Variants in PRIM2 observed in about 807,000 individuals in gnomAD.
PRIM2 encodes DNA primase subunit 2, also known as DNA primase large subunit.
Under a neutral mutation model 67.3 loss-of-function variants are expected in PRIM2, and 39 were observed. The observed-to-expected ratio is 0.58, with a 90% CI of 0.45 to 0.76. The LOEUF is 0.76. Ranked by LOEUF, PRIM2 falls within the 30% of genes least tolerant of loss-of-function variation. The pLI, the probability that PRIM2 is intolerant of heterozygous loss-of-function variation, is 0.00. For missense variants in PRIM2, 398 were observed against 598.7 expected, an observed-to-expected ratio of 0.66 and a Z score of 3.50; for synonymous variants, 143 against 198.7, an observed-to-expected ratio of 0.72 and a Z score of 2.36.
At chr6:57,477,149 C>T (rs1289334741) in intron 7 of PRIM2, among the ~76,000 whole-genome samples, 6 of 152,152 alleles carry the variant, frequency 3.9e-5, no homozygotes, top group African/African-American at 1.4e-4. Flanking sequence ...TGCCACCATG[C>T]CCAGCTGATT....
chr6:57,377,688 T>C (rs1769814159), intron 5 of PRIM2, among the ~76,000 whole-genome samples: 1 of 152,146 alleles, frequency 6.6e-6, no homozygotes, highest in African/African-American at 2.4e-5. Flanking sequence ...CTCCATTGAG[T>C]TTTAAATTTC....
intron 7 of PRIM2, among the ~76,000 whole-genome samples, chr6:57,474,414 T>C (rs1773424118): frequency 6.6e-6 from 1 of 152,142 alleles, no homozygotes; most frequent in African/African-American, 2.4e-5. Flanking sequence ...GACCTCGTGA[T>C]CTGCCCGCCT....
At chr6:57,371,255 A>G (rs1769548992) in intron 5 of PRIM2, among the ~76,000 whole-genome samples, 1 of 151,970 alleles carries the variant, frequency 6.6e-6, no homozygotes, top group South Asian at 2.1e-4. Flanking sequence ...CTTCCCTGAC[A>G]TTTACTTGGT....
the PRIM2 span, among the ~76,000 whole-genome samples, chr6:57,225,328 A>G: frequency 0.015 from 2,245 of 152,336 alleles, 58 homozygotes; most frequent in African/African-American, 0.051. Context: ...AGACATGCTC[A>G]GTGCAATTAA....
intron 13 of PRIM2, among the ~76,000 whole-genome samples, 153 bp downstream of exon 13, chr6:57,632,354 A>G (rs1381078144): frequency 2.0e-5 from 3 of 152,072 alleles, no homozygotes; most frequent in East Asian, 3.9e-4. Flanking sequence ...CATTTATTGA[A>G]CGACCAGACA....
chr6:57,292,793 A>G, the PRIM2 span, among the ~76,000 whole-genome samples: 12,753 of 152,250 alleles, frequency 0.084, 768 homozygotes, highest in East Asian at 0.18. Flanking sequence ...TATATGTAGA[A>G]AGCTGAAACT....
At chr6:57,563,999 G>A (rs1274742736) in intron 10 of PRIM2, among the ~76,000 whole-genome samples, 1 of 152,148 alleles carries the variant, frequency 6.6e-6, no homozygotes, top group Non-Finnish European at 1.5e-5. Context: ...TCCCAACTAT[G>A]TAGACATGAA....
the PRIM2 span, among the ~76,000 whole-genome samples, chr6:57,251,806 T>C: frequency 6.6e-6 from 1 of 152,244 alleles, no homozygotes; most frequent in Non-Finnish European, 1.5e-5. Flanking sequence ...AGAATGCATA[T>C]TTCCGCTTTC....
At chr6:57,631,565 A>G (rs1777038613) in intron 12 of PRIM2, among the ~76,000 whole-genome samples, 1 of 152,176 alleles carries the variant, frequency 6.6e-6, no homozygotes, top group African/African-American at 2.4e-5. Flanking sequence ...CTTTGCTAGA[A>G]ATAACTTCAT....
At chr6:57,383,995 G>A (rs945649022) in intron 7 of PRIM2, among the ~76,000 whole-genome samples, 5 of 152,254 alleles carry the variant, frequency 3.3e-5, no homozygotes, top group African/African-American at 9.6e-5. Flanking sequence ...AATAGAATCT[G>A]TTAGCTCATA....
chr6:57,263,440 C>T, the PRIM2 span, among the ~76,000 whole-genome samples: 1 of 152,196 alleles, frequency 6.6e-6, no homozygotes, highest in African/African-American at 2.4e-5. Flanking sequence ...TGGCTTAGAG[C>T]CGCTTCACTC....
intron 7 of PRIM2, among the ~76,000 whole-genome samples, chr6:57,444,457 C>T (rs538877524): frequency 7.9e-5 from 12 of 151,772 alleles, no homozygotes; most frequent in East Asian, 3.9e-4. Context: ...ATCCCAGCTA[C>T]TTGGGAGGCT....
intron 5 of PRIM2, among the ~76,000 whole-genome samples, chr6:57,340,048 C>A (rs1247227009): frequency 6.6e-6 from 1 of 151,744 alleles, no homozygotes; most frequent in African/African-American, 2.4e-5. Flanking sequence ...GGGCAAAGGA[C>A]ATGAACAGAC....
rs1375191029 is a variant in PRIM2, at chr6:57,605,425, G to A, written c.1148-950G>A. 1.4e-3 allele frequency among the ~76,000 whole-genome samples: 213 copies of A among 152,142 alleles called. 5 individuals carry two copies. The East Asian group carries it at 0.019, about 14-fold the overall frequency. ...GTCCAGGGCTTTTTCTGGTTGATAG[G>A]TTTTTTATTCCAGATTCAATTTCAG... On this transcript the variant is annotated intron_variant, in intron 11 of 13. Coordinates refer to ENST00000615550, the MANE Select transcript of PRIM2 (RefSeq NM_000947.5).
At chr6:57,235,074 C>A in the PRIM2 span, among the ~76,000 whole-genome samples, 2 of 151,984 alleles carry the variant, frequency 1.3e-5, no homozygotes, top group South Asian at 4.1e-4. Context: ...TCACTTAAGC[C>A]CTGGAGGTCA....
At chr6:57,594,346 C>T (rs1391222161) in intron 10 of PRIM2, among the ~76,000 whole-genome samples, 1,952 of 152,160 alleles carry the variant, frequency 0.013, 39 homozygotes, top group South Asian at 0.034. Context: ...AATGCAAGGA[C>T]GTAGAATAGC....
intron 7 of PRIM2, among the ~76,000 whole-genome samples, chr6:57,396,741 G>C (rs1770528248): frequency 6.6e-6 from 1 of 151,974 alleles, no homozygotes; most frequent in Non-Finnish European, 1.5e-5. Context: ...TTTTTAAATT[G>C]TATTTTTGTT....
At chr6:57,612,845 A>T in intron 12 of PRIM2, among the ~76,000 whole-genome samples, 1 of 134,146 alleles carries the variant, frequency 7.5e-6, no homozygotes, top group East Asian at 2.2e-4. Context: ...CGCAGGCTGG[A>T]GTGCAGTAGT....
the PRIM2 span, among the ~76,000 whole-genome samples, chr6:57,288,416 G>A: frequency 6.6e-6 from 1 of 152,154 alleles, no homozygotes; most frequent in Non-Finnish European, 1.5e-5. Flanking sequence ...TAAACATTCC[G>A]GTCTGACAGC....
Sources: gnomAD v4.1 joint callset for allele counts (sites outside exome capture counted in the v4.1 genomes callset) on GRCh38, gnomAD v4.1.1 for gene constraint, MANE v1.5 for transcripts, NCBI Gene and HGNC (gene_info 2026-07-23, HGNC 2026-07-21) for gene names.